The following ZNF280D variants were observed in gnomAD, a reference collection of about 807,000 sequenced individuals.
The protein encoded by ZNF280D is zinc finger protein 280D.
ZNF280D carries 39 observed loss-of-function variants against 94.7 expected under a neutral mutation model. That is an observed-to-expected ratio of 0.41 (90% CI 0.32 to 0.54). The LOEUF (loss-of-function observed/expected upper bound fraction) is 0.54, where lower values mean the gene tolerates loss of function less well. Ranked by LOEUF, ZNF280D falls within the 20% of genes least tolerant of loss-of-function variation. ZNF280D has a pLI of 0.22. For synonymous variants in ZNF280D, 398 were observed against 377.6 expected, an observed-to-expected ratio of 1.05 and a Z score of -0.63; for missense variants, 1,090 against 1,149.3, an observed-to-expected ratio of 0.95 and a Z score of 0.75.
intron 7 of ZNF280D, 78 bp from the exon 8 acceptor site, chr15:56,689,548 G>T: frequency 1.1e-6 from 1 of 929,020 alleles, no homozygotes; most frequent in Non-Finnish European, 1.5e-6. Context: ...ATATTTTGGA[G>T]CTAAATTAAA....
intron 11 of ZNF280D, 82 bp downstream of exon 11, chr15:56,678,582 C>T (rs1056436346): frequency 1.6e-6 from 2 of 1,268,800 alleles, no homozygotes; most frequent in Non-Finnish European, 2.1e-6. Flanking sequence ...TCTCATTTTT[C>T]TAACAGGCTT....
At chr15:56,640,065 T>G (rs1358506048) in intron 20 of ZNF280D, among the ~76,000 whole-genome samples, 1 of 151,806 alleles carries the variant, frequency 6.6e-6, no homozygotes, top group East Asian at 1.9e-4. Flanking sequence ...CACAGAAAAC[T>G]AAACAAACGA....
chr15:56,669,862 ATATATATATTT>A (rs1379695218), intron 13 of ZNF280D, among the ~76,000 whole-genome samples: 1 of 12,060 alleles, frequency 8.3e-5, no homozygotes, highest in African/African-American at 2.3e-4. Flanking sequence ...TATTTTATAT[ATATATATATTT>A]TATATATATA....
At chr15:56,663,007 G>A (rs1017093166) in intron 16 of ZNF280D, among the ~76,000 whole-genome samples, 2 of 151,732 alleles carry the variant, frequency 1.3e-5, no homozygotes, top group African/African-American at 4.8e-5. Context: ...GGGGCCAGGT[G>A]CAGAGGGGGT....
chr15:56,651,803 T>G (rs1393597157), intron 19 of ZNF280D, among the ~76,000 whole-genome samples: 1 of 152,170 alleles, frequency 6.6e-6, no homozygotes, highest in Non-Finnish European at 1.5e-5. Context: ...CCCCCAAATA[T>G]TTTCAATCCA....
intron 19 of ZNF280D, chr15:56,652,809 G>A: frequency 1.0e-6 from 1 of 984,152 alleles, no homozygotes; most frequent in Non-Finnish European, 1.2e-6. Flanking sequence ...ATAGGACAGA[G>A]TATCTAATAA....
In ZNF280D at chr15:56,631,133, AT is replaced by A. The variant is rs2052053106; in HGVS notation, c.*364del. 1 of 179,754 alleles carries A rather than the reference AT, an allele frequency of 5.6e-6. No homozygotes were observed. Among genetic ancestry groups the A allele is most frequent in the African/African-American group, 2.4e-5 (1 of 42,214 alleles). 11.1% of individuals were successfully genotyped at this position (179,754 alleles called of 1,614,324 possible). ...TGAAAAGGATATACAGGTAATAAAG[AT>A]TTTTAGCTTAGGATTGATGGAAGTT... is the stretch of plus-strand genomic sequence containing the variant. On this transcript the variant is annotated 3_prime_UTR_variant, in exon 22 of 22. Transcript: ENST00000267807.
At chr15:56,706,696 A>G (rs1490820917) in intron 3 of ZNF280D, among the ~76,000 whole-genome samples, 2 of 152,168 alleles carry the variant, frequency 1.3e-5, no homozygotes, top group African/African-American at 2.4e-5. Flanking sequence ...CTCATATAGT[A>G]TACAAAGGTC....
intron 20 of ZNF280D, among the ~76,000 whole-genome samples, chr15:56,642,079 A>C (rs1164979464): frequency 2.6e-5 from 4 of 151,742 alleles, no homozygotes; most frequent in Non-Finnish European, 4.4e-5. Flanking sequence ...CTTTCTCAAT[A>C]TACATAAGAT....
rs1211721184 is a variant in ZNF280D, at chr15:56,668,807, A to G, written c.1545+16T>C. On this transcript the variant is annotated intron_variant, in intron 14 of 21. Coordinates refer to ENST00000267807, the MANE Select transcript of ZNF280D (RefSeq NM_017661.4). ...TTATCATACAAAATGTTAAAATACAATATATTTTAACTCACTTTTGTTCCA... is the reference window on the plus strand; with the variant it reads ...TTATCATACAAAATGTTAAAATACAGTATATTTTAACTCACTTTTGTTCCA... The G allele has an allele frequency of 6.3e-7, 1 of 1,578,728 alleles. No homozygotes were observed. Among genetic ancestry groups the G allele is most frequent in the African/African-American group, 1.4e-5 (1 of 72,772 alleles).
At chr15:56,673,618 T>A (rs1160805568) in intron 13 of ZNF280D, among the ~76,000 whole-genome samples, 2 of 152,024 alleles carry the variant, frequency 1.3e-5, no homozygotes, top group Non-Finnish European at 2.9e-5. Flanking sequence ...CTTAAAAATG[T>A]CTAGTGCCTT....
chr15:56,708,564 T>C (rs556587504), intron 1 of ZNF280D, among the ~76,000 whole-genome samples: 1 of 152,198 alleles, frequency 6.6e-6, no homozygotes, highest in Non-Finnish European at 1.5e-5. Context: ...AGAATTTTCT[T>C]GGTAAAGCAC....
At chr15:56,673,485 C>T (rs1403785479) in intron 13 of ZNF280D, among the ~76,000 whole-genome samples, 1 of 152,016 alleles carries the variant, frequency 6.6e-6, no homozygotes, top group Non-Finnish European at 1.5e-5. Flanking sequence ...CCATACTGGC[C>T]CAAGCCACTT....
Position 56,689,111 on chromosome 15 carries a change from G to C in ZNF280D, c.710C>G (p.Pro237Arg). 6.2e-7 allele frequency: 1 copy of C among 1,610,144 alleles called. No homozygotes were observed. The highest frequency in any genetic ancestry group is 8.5e-7 in the Non-Finnish European group (1 of 1,178,424). The change falls in exon 9 of 22, where the codon CCT (proline) becomes CGT (arginine). Residue 237 changes from proline (P) to arginine (R), a missense_variant. By Grantham distance (103) the Pro-to-Arg change is moderately radical. Coordinates refer to ENST00000267807, the MANE Select transcript of ZNF280D (RefSeq NM_017661.4). ...GCACTTTGGACAAGCTCTTGGAAAA[G>C]GTGTTCCATTTTTAGACTGATTTGA... ...TSSNQSKNGT[P>R]FPRACPKCNI...
chr15:56,689,866 AAAC>A (rs779832319), intron 7 of ZNF280D, among the ~76,000 whole-genome samples: 10 of 152,312 alleles, frequency 6.6e-5, no homozygotes, highest in East Asian at 5.8e-4. Flanking sequence ...GTTTGTAAAA[AAAC>A]AACAATTACC....
rs1176440943 is a variant in ZNF280D at position 56,707,313 on chromosome 15, A to G, written c.-85-7T>C. 2.6e-6 allele frequency: 4 copies of G among 1,524,556 alleles called. No homozygotes were observed. The African/African-American group carries it at 4.1e-5, about 16-fold the overall frequency. 94.4% of individuals were successfully genotyped at this position (1,524,556 alleles called of 1,614,324 possible). ...GTTATTTCTGTTTTCCTTCCTATAA[A>G]ATAAAGATACCAACTATTAGGGTGG... On this transcript the variant is annotated splice_region_variant and splice_polypyrimidine_tract_variant and intron_variant, in intron 1 of 21. Transcript: ENST00000267807.
chr15:56,721,588 T>C (rs1481402602), intron 1 of ZNF280D, among the ~76,000 whole-genome samples: 2 of 152,218 alleles, frequency 1.3e-5, no homozygotes, highest in Non-Finnish European at 2.9e-5. Flanking sequence ...TCTTATACTT[T>C]TATGTTATGG....
chr15:56,632,882 G>A (rs1465257990), intron 21 of ZNF280D, among the ~76,000 whole-genome samples: 2 of 150,956 alleles, frequency 1.3e-5, no homozygotes, highest in South Asian at 2.1e-4. Context: ...ATTTTTAATA[G>A]CCCAATTTAA....
chr15:56,729,107 T>C (rs1322199626), intron 1 of ZNF280D, among the ~76,000 whole-genome samples: 1 of 152,048 alleles, frequency 6.6e-6, no homozygotes, highest in Non-Finnish European at 1.5e-5. Context: ...GTGAAAAACA[T>C]GAAATGAAAA....
Sources: gnomAD v4.1 joint callset for allele counts (sites outside exome capture counted in the v4.1 genomes callset) on GRCh38, gnomAD v4.1.1 for gene constraint, MANE v1.5 for transcripts, NCBI Gene and HGNC (gene_info 2026-07-23, HGNC 2026-07-21) for gene names.